ANO2: variants seen among roughly 807,000 people sequenced by gnomAD.
ANO2 encodes anoctamin-2.
In ANO2, 101 loss-of-function variants were observed where a neutral mutation model predicts 124.2. The observed-to-expected ratio is 0.81, with a 90% confidence interval of 0.69 to 0.96. ANO2 has a LOEUF of 0.96. Among genes scored for constraint, ANO2 ranks in the 40% least tolerant of loss-of-function variants. The pLI is 0.00. For synonymous variants in ANO2, 486 were observed against 482.5 expected, an observed-to-expected ratio of 1.01 and a Z score of -0.09; for missense variants, 1,293 against 1,274.5, an observed-to-expected ratio of 1.01 and a Z score of -0.22.
chr12:5,686,935 T>A (rs1162821192), intron 14 of ANO2, among the ~76,000 whole-genome samples: 1 of 152,178 alleles, frequency 6.6e-6, no homozygotes, highest in Non-Finnish European at 1.5e-5. Context: ...CAAAACAGAC[T>A]TGACAGCAAA....
At chr12:5,834,670 CA>C (rs761833520) in intron 4 of ANO2, among the ~76,000 whole-genome samples, 1 of 152,200 alleles carries the variant, frequency 6.6e-6, no homozygotes, top group Non-Finnish European at 1.5e-5. Flanking sequence ...TTTTTCTATG[CA>C]TTTTGATTTA....
chr12:5,856,781 C>A (rs2137258864), intron 3 of ANO2: 1 of 152,334 alleles, frequency 6.6e-6, no homozygotes, highest in East Asian at 1.9e-4. Flanking sequence ...AGATAGAATT[C>A]TACCTTGTTT....
intron 15 of ANO2, among the ~76,000 whole-genome samples, chr12:5,646,022 A>C (rs1211247998): frequency 1.3e-5 from 2 of 152,214 alleles, no homozygotes; most frequent in African/African-American, 2.4e-5. Flanking sequence ...CTGCAGTCTC[A>C]TAAGTGGGAA....
chr12:5,674,488 C>T (rs1056584390), intron 14 of ANO2, among the ~76,000 whole-genome samples: 1 of 152,238 alleles, frequency 6.6e-6, no homozygotes, highest in Admixed American at 6.5e-5. Context: ...GAACTAACAG[C>T]TTTTGGCAAG....
At chr12:5,865,396 T>C (rs1018541081) in intron 3 of ANO2, among the ~76,000 whole-genome samples, 1 of 150,980 alleles carries the variant, frequency 6.6e-6, no homozygotes, top group Non-Finnish European at 1.5e-5. Flanking sequence ...CACATCACCA[T>C]GCATTCACAC....
At chr12:5,579,257 T>C (rs544145444) in intron 20 of ANO2, among the ~76,000 whole-genome samples, 3 of 152,330 alleles carry the variant, frequency 2.0e-5, no homozygotes, top group Admixed American at 6.5e-5. Context: ...GAGTTAAGTG[T>C]AGGCAAACAT....
chr12:5,815,888 T>G (rs12303761), intron 7 of ANO2, among the ~76,000 whole-genome samples: 7,360 of 152,212 alleles, frequency 0.048, 441 homozygotes, highest in African/African-American at 0.14. Context: ...TAAAGCTTTG[T>G]AAAAGTAGGC....
At chr12:5,697,364 G>A (rs1315369735) in intron 14 of ANO2, among the ~76,000 whole-genome samples, 3 of 151,672 alleles carry the variant, frequency 2.0e-5, no homozygotes, top group Non-Finnish European at 4.4e-5. Context: ...CCCAGGAGGT[G>A]GAACTTGCAG....
At chr12:5,946,002 T>A (rs1317732486), upstream of ANO2, 1 of 877,450 alleles carries the variant, frequency 1.1e-6, no homozygotes, top group South Asian at 1.6e-5. This position sits in a 1 kb window ranked among gnomAD's most constrained non-coding sequence, Gnocchi z 4.1. Context: ...GGCAGGGGGA[T>A]GGGAGGGAAG....
chr12:5,894,871 C>T (rs772136315), intron 3 of ANO2, among the ~76,000 whole-genome samples: 1 of 152,152 alleles, frequency 6.6e-6, no homozygotes, highest in Admixed American at 6.5e-5. Flanking sequence ...GGTACCAATA[C>T]CATGCTGTTT....
At chr12:5,783,310 C>T (rs1044463583) in intron 10 of ANO2, among the ~76,000 whole-genome samples, 1 of 152,178 alleles carries the variant, frequency 6.6e-6, no homozygotes, top group Non-Finnish European at 1.5e-5. Context: ...CTCAAAGTAA[C>T]CTTTACCCAG....
chr12:5,571,644 T>G (rs1238801546), intron 23 of ANO2, among the ~76,000 whole-genome samples: 2 of 152,150 alleles, frequency 1.3e-5, no homozygotes, highest in Non-Finnish European at 2.9e-5. Flanking sequence ...GTTATCTCTG[T>G]TTCTCAAAAT....
At chr12:5,944,005 C>T (rs1250196220) in intron 1 of ANO2, among the ~76,000 whole-genome samples, 1 of 152,180 alleles carries the variant, frequency 6.6e-6, no homozygotes, top group Non-Finnish European at 1.5e-5. Context: ...TACAGTCAAC[C>T]AGCAGAGTGG....
At chr12:5,799,804 CA>C (rs1952986412) in intron 9 of ANO2, among the ~76,000 whole-genome samples, 1 of 152,176 alleles carries the variant, frequency 6.6e-6, no homozygotes, top group Non-Finnish European at 1.5e-5. Context: ...ACCTGATTAG[CA>C]GAACCCCGTC....
At chr12:5,659,463 C>T (rs1244683066) in intron 14 of ANO2, among the ~76,000 whole-genome samples, 1 of 152,184 alleles carries the variant, frequency 6.6e-6, no homozygotes, top group South Asian at 2.1e-4. Context: ...ACCCTCGAAG[C>T]CTTCCAGCAG....
At position 5,866,210 on chromosome 12, in the gene ANO2, G is replaced by A. The variant is rs369834462; in HGVS notation, c.535-12069C>T. 5.9e-5 allele frequency among the ~76,000 whole-genome samples: 9 copies of A among 152,180 alleles called. No homozygotes were observed. The East Asian group carries it at 1.3e-3, about 23-fold the overall frequency. On this transcript the variant is annotated intron_variant, in intron 3 of 24. Transcript: ENST00000682330. ...CTAGGGAAAGCAGCTTTCTCCTTCCGTCAGACTCTGGGGGATAACAGTGGC... is the reference window on the plus strand; with the variant it reads ...CTAGGGAAAGCAGCTTTCTCCTTCCATCAGACTCTGGGGGATAACAGTGGC...
intron 4 of ANO2, among the ~76,000 whole-genome samples, chr12:5,843,865 A>T (rs1020913557): frequency 2.0e-4 from 30 of 152,318 alleles, no homozygotes; most frequent in Non-Finnish European, 3.5e-4. Context: ...TTTGAGGAAC[A>T]CCATACTAGA....
intron 14 of ANO2, among the ~76,000 whole-genome samples, chr12:5,652,319 T>G (rs1946951702): frequency 6.6e-6 from 1 of 152,178 alleles, no homozygotes; most frequent in Non-Finnish European, 1.5e-5. Flanking sequence ...GGAGTTCCCA[T>G]ATACCCTGCA....
rs1361402073 is a variant in ANO2 at position 5,787,490 on chromosome 12, T to C, written c.1055+12017A>G. Among the ~76,000 whole-genome samples, 1 of 152,126 alleles carries C rather than the reference T, an allele frequency of 6.6e-6. No individual in the cohort carries two copies. The highest frequency in any genetic ancestry group is 1.5e-5 in the Non-Finnish European group (1 of 68,014). ...GACTCAGGAGTTCAGATCCTACCTC[T>C]CTCACCAACCTTGTGACTTTGGGCC... On this transcript the variant is annotated intron_variant, in intron 10 of 24. Transcript: ENST00000682330. The surrounding 1 kb of genome is among the most constrained non-coding windows in gnomAD (Gnocchi z 4.2).
Sources: gnomAD v4.1 joint callset for allele counts (sites outside exome capture counted in the v4.1 genomes callset) on GRCh38, gnomAD v4.1.1 for gene constraint, Gnocchi (gnomAD v3.1) non-coding constraint, MANE v1.5 for transcripts, NCBI Gene and HGNC (gene_info 2026-07-23, HGNC 2026-07-21) for gene names.